The following KLHL13 variants were observed in gnomAD, a reference collection of about 807,000 sequenced individuals.
KLHL13 encodes kelch-like protein 13.
A neutral mutation model predicts 37.1 loss-of-function variants in KLHL13; 10 were observed. The ratio of observed to expected loss-of-function variants is 0.27; its 90% CI spans 0.17 to 0.46. The LOEUF (loss-of-function observed/expected upper bound fraction) is 0.46. KLHL13 is among the 20% of genes least tolerant of loss of function. The pLI is 1.00. For missense variants in KLHL13, 360 were observed against 509.3 expected, an observed-to-expected ratio of 0.71 and a Z score of 2.82; for synonymous variants, 163 against 181.2, an observed-to-expected ratio of 0.90 and a Z score of 0.81.
At chrX:117,932,164 T>A (rs923870017) in intron 2 of KLHL13, among the ~76,000 whole-genome samples, 6 of 111,681 alleles carry the variant, frequency 5.4e-5, no homozygotes, top group Admixed American at 1.9e-4. Context: ...GCAATATTTA[T>A]CATTTCTTTG....
chrX:117,905,088 T>C (rs1930409147), intron 5 of KLHL13, among the ~76,000 whole-genome samples: 1 of 111,117 alleles, frequency 9.0e-6, no homozygotes, highest in Non-Finnish European at 1.9e-5. Context: ...ACAGGGGAGA[T>C]GGACTCTAGA....
chrX:118,008,421 C>A (rs2054012623), intron 1 of KLHL13, among the ~76,000 whole-genome samples: 1 of 111,699 alleles, frequency 9.0e-6, no homozygotes, highest in South Asian at 3.8e-4. Context: ...ATTACAATGA[C>A]TCTTGCCAAT....
At chrX:118,087,404 CACATATAT>C (rs1332537154) in intron 1 of KLHL13, among the ~76,000 whole-genome samples, 1 of 108,289 alleles carries the variant, frequency 9.2e-6, no homozygotes, top group Non-Finnish European at 1.9e-5. Flanking sequence ...TATATATATA[CACATATAT>C]ATATCTTCTG....
chrX:118,018,148 T>C (rs943664472), intron 1 of KLHL13, among the ~76,000 whole-genome samples: 1 of 111,817 alleles, frequency 8.9e-6, no homozygotes, highest in Non-Finnish European at 1.9e-5. Flanking sequence ...GGATGGTAGA[T>C]TACAAGACTA....
At chrX:117,964,719 T>C (rs2053383676) in intron 1 of KLHL13, among the ~76,000 whole-genome samples, 1 of 111,304 alleles carries the variant, frequency 9.0e-6, no homozygotes, top group Admixed American at 9.5e-5. Context: ...GCATATCTCC[T>C]AATGCTATCC....
chrX:117,950,940 T>A (rs781414133), intron 1 of KLHL13, among the ~76,000 whole-genome samples: 1 of 112,484 alleles, frequency 8.9e-6, no homozygotes, highest in East Asian at 2.8e-4. Context: ...GGGCTAAATC[T>A]GTCAAGGTAT....
chrX:118,110,036 T>TA (rs751566172), intron 1 of KLHL13, among the ~76,000 whole-genome samples: 1 of 111,019 alleles, frequency 9.0e-6, no homozygotes, highest in East Asian at 2.8e-4. Context: ...ATACACCAAT[T>TA]GTGTATTGGT....
intron 4 of KLHL13, among the ~76,000 whole-genome samples, chrX:117,911,955 T>C (rs1012643375): frequency 8.9e-6 from 1 of 112,266 alleles, no homozygotes; most frequent in African/African-American, 3.2e-5. Flanking sequence ...TAACAAATTA[T>C]GAGTCTCTAG....
intron 1 of KLHL13, among the ~76,000 whole-genome samples, chrX:118,108,470 C>A (rs1400834860): frequency 8.9e-6 from 1 of 112,312 alleles, no homozygotes; most frequent in African/African-American, 3.2e-5. Context: ...TCATCTGGAG[C>A]AAATTAAACC....
chrX:117,917,871 G>A (rs1423064884), intron 4 of KLHL13, among the ~76,000 whole-genome samples: 1 of 111,675 alleles, frequency 9.0e-6, no homozygotes, highest in Non-Finnish European at 1.9e-5. Context: ...GCAATGTTAA[G>A]AGTCTATAAG....
At chrX:117,921,280 T>G (rs1309089602) in intron 2 of KLHL13, among the ~76,000 whole-genome samples, 1 of 112,304 alleles carries the variant, frequency 8.9e-6, no homozygotes, top group Non-Finnish European at 1.9e-5. Context: ...TATTTTTAAT[T>G]TTTGTGGGTA....
At chrX:118,103,473 A>C (rs979284263) in intron 1 of KLHL13, among the ~76,000 whole-genome samples, 2 of 111,969 alleles carry the variant, frequency 1.8e-5, no homozygotes, top group Non-Finnish European at 3.8e-5. Flanking sequence ...GGCATTTAAA[A>C]ATACTGAAAA....
At chrX:118,079,820 G>C (rs2054969677) in intron 1 of KLHL13, among the ~76,000 whole-genome samples, 1 of 110,956 alleles carries the variant, frequency 9.0e-6, no homozygotes, top group Admixed American at 9.7e-5. Flanking sequence ...CCAAAAAAGA[G>C]CACAAATAGC....
intron 2 of KLHL13, among the ~76,000 whole-genome samples, chrX:117,944,152 G>T (rs915276678): frequency 9.0e-6 from 1 of 110,817 alleles, no homozygotes; most frequent in Non-Finnish European, 1.9e-5. Context: ...TATCACCAGT[G>T]GGGGCTCAGT....
At position 118,092,024 on chromosome X, in the gene KLHL13, A is replaced by G. The variant is rs6646076; in HGVS notation, c.-56+24484T>C. The stretch of plus-strand genomic sequence containing the variant: ...AGCTAAGCTATGAGGATGCAAAGGC[A>G]TAAGAATGATACATTAGACTTTGGA... On this transcript the variant is annotated intron_variant, in intron 1 of 6. Coordinates refer to the KLHL13 transcript ENST00000371882. Among the ~76,000 whole-genome samples, 912 of 111,917 alleles carry G rather than the reference A, an allele frequency of 8.1e-3. 10 individuals are homozygous for G. Among genetic ancestry groups the G allele is most frequent in the African/African-American group, 0.026 (806 of 30,844 alleles).
intron 1 of KLHL13, among the ~76,000 whole-genome samples, chrX:118,084,718 T>C (rs2055033881): frequency 9.0e-6 from 1 of 111,439 alleles, no homozygotes; most frequent in African/African-American, 3.3e-5. Context: ...GACACAGTAC[T>C]ATGGAGTTAT....
At chrX:117,965,750 A>T (rs1005876755) in intron 1 of KLHL13, among the ~76,000 whole-genome samples, 8 of 111,944 alleles carry the variant, frequency 7.1e-5, no homozygotes, top group African/African-American at 2.6e-4. Context: ...CTGGTTCAAC[A>T]TATGCAAATC....
chrX:117,903,692 T>C (rs755384988), intron 5 of KLHL13, among the ~76,000 whole-genome samples: 28 of 111,219 alleles, frequency 2.5e-4, no homozygotes, highest in African/African-American at 9.1e-4. Context: ...GTACTTGGCA[T>C]TAGCAAAGCC....
At chrX:118,109,171 T>G (rs930417829) in intron 1 of KLHL13, among the ~76,000 whole-genome samples, 2 of 111,722 alleles carry the variant, frequency 1.8e-5, no homozygotes, top group African/African-American at 6.5e-5. Context: ...ATAGTCACTC[T>G]TAGCCATTAC....
Sources: gnomAD v4.1 joint callset for allele counts (sites outside exome capture counted in the v4.1 genomes callset) on GRCh38, gnomAD v4.1.1 for gene constraint, MANE v1.5 for transcripts, NCBI Gene and HGNC (gene_info 2026-07-23, HGNC 2026-07-21) for gene names.